The following ATP5MG variants were observed in gnomAD, a reference collection of about 807,000 sequenced individuals.
ATP5MG encodes the protein ATP synthase F(0) complex subunit g, mitochondrial.
ATP5MG carries 7 observed loss-of-function variants against 12.7 expected under a neutral mutation model. The ratio of observed to expected loss-of-function variants is 0.55; its 90% confidence interval spans 0.31 to 1.04. The LOEUF (loss-of-function observed/expected upper bound fraction) is 1.04, where lower values mean the gene tolerates loss of function less well. ATP5MG is among the 50% of genes least tolerant of loss of function. The pLI, the probability that ATP5MG is intolerant of heterozygous loss-of-function variation, is 0.05. For missense variants in ATP5MG, 116 were observed against 126.7 expected, an observed-to-expected ratio of 0.92 and a Z score of 0.41; for synonymous variants, 53 against 48.2, an observed-to-expected ratio of 1.10 and a Z score of -0.41.
intron 1 of ATP5MG, 66 bp from the exon 2 acceptor site, chr11:118,406,871 A>G (rs1431142237): frequency 2.6e-6 from 4 of 1,539,458 alleles, no homozygotes; most frequent in Admixed American, 2.0e-5. Context: ...CAGCCCACAC[A>G]TCTGCTTCTT....
Position 118,401,669 on chromosome 11 carries a change from G to C in ATP5MG, c.4G>C (p.Ala2Pro), listed in dbSNP as rs1555131071. 2 of 1,614,120 alleles carry C rather than the reference G, an allele frequency of 1.2e-6. No homozygotes were observed. Among genetic ancestry groups the C allele is most frequent in the South Asian group, 1.1e-5 (1 of 91,074 alleles). The change falls in exon 1 of 3, where the codon GCC becomes CCC. Residue 2 changes from alanine to proline, a missense_variant. By Grantham distance (27) the Ala-to-Pro change is conservative. Transcript: ENST00000300688. M[A>P]QFVRNLVEKT... is the part of the protein sequence containing the mutation. The stretch of plus-strand genomic sequence containing the variant: ...ACGGACTCTCCATTCCAGAACCATG[G>C]CCCAATTTGTCCGTAACCTTGTGGA...
chr11:118,402,696 C>CTTTTTTTTTTTTTTTTT (rs782335353), intron 1 of ATP5MG, among the ~76,000 whole-genome samples: 1 of 128,220 alleles, frequency 7.8e-6, no homozygotes, highest in Non-Finnish European at 1.6e-5. Flanking sequence ...TTCTTTCTTT[C>CTTTTTTTTTTTTTTTTT]TTTTTTTTTT....
chr11:118,402,952 G>C (rs545586285), intron 1 of ATP5MG, among the ~76,000 whole-genome samples: 1 of 151,882 alleles, frequency 6.6e-6, no homozygotes, highest in African/African-American at 2.4e-5. Context: ...CTCCCGCCTC[G>C]GTCTCCTAAA....
chr11:118,409,016 G>A lies in ATP5MG; in HGVS notation c.230G>A (p.Gly77Asp), dbSNP rs572350663. 9 of 1,600,360 alleles carry A rather than the reference G, an allele frequency of 5.6e-6. No homozygotes were observed. In the South Asian group the frequency reaches 1.0e-4, roughly 18 times the overall value. ...QLTVKEAVLN[G>D]LVATEVLMWF... ...TTTTTTCAGGAAGCTGTGCTGAATG[G>A]TTTGGTGGCCACTGAGGTGTTGATG... The change falls in exon 3 of 3, where the codon GGT becomes GAT. Residue 77 changes from glycine to aspartate, a missense_variant. Physicochemically the swap from Gly to Asp is moderately conservative, Grantham distance 94 (BLOSUM62 -1). Coordinates refer to ENST00000300688, the MANE Select transcript of ATP5MG (RefSeq NM_006476.5).
In ATP5MG at chr11:118,409,189, A is replaced by G. The variant is rs73613972; in HGVS notation, c.*91A>G. The stretch of plus-strand genomic sequence containing the variant: ...CAGACTGCTATCTGAATAAAATAAG[A>G]TTTGTCAAAACTCAGTGTTTTCTCC... On this transcript the variant is annotated 3_prime_UTR_variant, in exon 3 of 3. Transcript: ENST00000300688. 4.5e-4 allele frequency: 374 copies of G among 833,116 alleles called. 1 individual carries two copies. The African/African-American group carries it at 6.3e-3, about 14-fold the overall frequency. The allele number at this position is 833,116 out of a possible 1,614,324, so 51.6% of individuals were successfully genotyped here. A position where few individuals can be genotyped will look rare whatever the true frequency, so the allele number is the denominator to read the frequency against.
At chr11:118,402,536 A>T (rs1948936909) in intron 1 of ATP5MG, among the ~76,000 whole-genome samples, 1 of 152,004 alleles carries the variant, frequency 6.6e-6, no homozygotes, top group African/African-American at 2.4e-5. Flanking sequence ...TTTTTCCTAG[A>T]TGTGCTGTAT....
At chr11:118,404,170 T>C (rs1444755220) in intron 1 of ATP5MG, among the ~76,000 whole-genome samples, 1 of 152,242 alleles carries the variant, frequency 6.6e-6, no homozygotes, top group Non-Finnish European at 1.5e-5. Context: ...GAATGTTAAA[T>C]ATTTAATAAA....
Position 118,409,096 on chromosome 11 carries a change from T to G in ATP5MG, c.310T>G (p.Ter104GlyextTer7). The G allele has an allele frequency of 6.2e-7, 1 of 1,600,772 alleles. No homozygotes were observed. The highest frequency in any genetic ancestry group is 8.5e-7 in the Non-Finnish European group (1 of 1,171,930). ...GCGGGGCATCATTGGCTATGATGTT[T>G]GAAGACCAATCTTTAACATCTGATT... ...GKRGIIGYDV* is the reference protein window; with the variant it reads ...GKRGIIGYDVG Residue 104 changes from the stop codon to glycine, a stop_lost, in exon 3 of 3, where the codon TGA becomes GGA. Coordinates refer to ENST00000300688, the MANE Select transcript of ATP5MG (RefSeq NM_006476.5).
At chr11:118,404,560 C>G (rs990862330) in intron 1 of ATP5MG, among the ~76,000 whole-genome samples, 6 of 152,110 alleles carry the variant, frequency 3.9e-5, no homozygotes, top group African/African-American at 1.4e-4. Flanking sequence ...TGGTGTTTTT[C>G]TCATGCTTAG....
At chr11:118,403,681 T>C (rs752954083) in intron 1 of ATP5MG, among the ~76,000 whole-genome samples, 30 of 150,058 alleles carry the variant, frequency 2.0e-4, no homozygotes, top group Non-Finnish European at 4.0e-4. Flanking sequence ...TAATCCCAGC[T>C]ACTCGGGAAG....
At chr11:118,406,521 C>T (rs1948972841) in intron 1 of ATP5MG, 21 of 197,592 alleles carry the variant, frequency 1.1e-4, no homozygotes, top group Admixed American at 6.9e-4. Flanking sequence ...CTAAATCCTT[C>T]ATCCCTTTCT....
Position 118,406,920 on chromosome 11 carries a change from TTTG to T in ATP5MG, c.53-14_53-12del, listed in dbSNP as rs782546170. On this transcript the variant is annotated splice_polypyrimidine_tract_variant and intron_variant, in intron 1 of 2. Coordinates refer to ENST00000300688, the MANE Select transcript of ATP5MG (RefSeq NM_006476.5). ...AGTTCATCCTGGTTTTTTGTTTTGT[TTTG>T]TTTTGTTTTCCAGCTGCTGTGACTT... The T allele has an allele frequency of 6.3e-7, 1 of 1,577,116 alleles. No homozygotes were observed. Among genetic ancestry groups the T allele is most frequent in the Non-Finnish European group, 8.6e-7 (1 of 1,161,598 alleles).
chr11:118,406,927 TG>T lies in ATP5MG; in HGVS notation c.53-9del. On this transcript the variant is annotated splice_polypyrimidine_tract_variant and intron_variant, in intron 1 of 2. Coordinates refer to ENST00000300688, the MANE Select transcript of ATP5MG (RefSeq NM_006476.5). ...CCTGGTTTTTTGTTTTGTTTTGTTTTGTTTTCCAGCTGCTGTGACTTACTCG... is the reference window on the plus strand; with the variant it reads ...CCTGGTTTTTTGTTTTGTTTTGTTTTTTTTCCAGCTGCTGTGACTTACTCG... 5 of 1,586,508 alleles carry T rather than the reference TG, an allele frequency of 3.2e-6. No individual in the cohort carries two copies. The highest frequency in any genetic ancestry group is 4.3e-6 in the Non-Finnish European group (5 of 1,166,352).
intron 2 of ATP5MG, among the ~76,000 whole-genome samples, chr11:118,408,192 G>C (rs1001672645): frequency 2.0e-5 from 3 of 152,090 alleles, no homozygotes; most frequent in African/African-American, 7.2e-5. Flanking sequence ...AAAAGAACTG[G>C]AACTTGGATT....
At chr11:118,407,135 G>T in intron 2 of ATP5MG, 38 bp downstream of exon 2, 1 of 1,611,484 alleles carries the variant, frequency 6.2e-7, no homozygotes, top group Non-Finnish European at 8.5e-7. Flanking sequence ...GTGCATAACA[G>T]AAAATGTCTT....
intron 1 of ATP5MG, 83 bp from the exon 2 acceptor site, chr11:118,406,854 T>C: frequency 1.3e-6 from 2 of 1,519,322 alleles, no homozygotes; most frequent in Non-Finnish European, 1.8e-6. Context: ...GAATAAATAT[T>C]TGTGTCCAGC....
Position 118,407,030 on chromosome 11 carries a change from C to T in ATP5MG, c.146C>T (p.Ala49Val), listed in dbSNP as rs375395914. Residue 49 changes from alanine to valine, a missense_variant, in exon 2 of 3, where the codon GCT becomes GTT. Transcript: ENST00000300688. ...CCCACCCCTGCTGAGATCCCTAGAG[C>T]TATTCAGAGCCTGAAAAAAATAGTC... ...VPPTPAEIPRAIQSLKKIVNS... is the reference protein window; with the variant it reads ...VPPTPAEIPRVIQSLKKIVNS... 52 of 1,613,960 alleles carry T rather than the reference C, an allele frequency of 3.2e-5. No homozygotes were observed. Among genetic ancestry groups the T allele is most frequent in the Admixed American group, 8.3e-5 (5 of 60,002 alleles).
intron 1 of ATP5MG, among the ~76,000 whole-genome samples, chr11:118,403,458 T>C (rs1214220859): frequency 6.6e-6 from 1 of 150,902 alleles, no homozygotes; most frequent in African/African-American, 2.4e-5. Flanking sequence ...ATTGCACCAC[T>C]GCATTCCAGC....
At chr11:118,406,161 C>T (rs1948970062) in intron 1 of ATP5MG, 1 of 152,230 alleles carries the variant, frequency 6.6e-6, no homozygotes, top group Non-Finnish European at 1.5e-5. Flanking sequence ...TGCACTTAGC[C>T]TCTCTTATAA....
Sources: allele counts gnomAD v4.1 joint callset (sites outside exome capture counted in the v4.1 genomes callset), GRCh38; gene constraint gnomAD v4.1.1; transcripts MANE v1.5; gene names NCBI Gene and HGNC (gene_info 2026-07-23, HGNC 2026-07-21).